PRELID2: variants seen among roughly 807,000 people sequenced by gnomAD.
The protein encoded by PRELID2 is PRELI domain-containing protein 2.
PRELID2 carries 25 observed loss-of-function variants against 28.4 expected under a neutral mutation model. The ratio of observed to expected loss-of-function variants is 0.88; its 90% CI spans 0.64 to 1.23. PRELID2 has a LOEUF of 1.23. Among genes scored for constraint, PRELID2 ranks in the 50% most tolerant of loss-of-function variants. The pLI is 0.00. For synonymous variants in PRELID2, 76 were observed against 71.6 expected (o/e 1.06, Z -0.31); for missense variants, 201 against 214.4 (o/e 0.94, Z 0.39).
At chr5:145,292,565 G>A in the PRELID2 span, among the ~76,000 whole-genome samples, 1 of 152,106 alleles carries the variant, frequency 6.6e-6, no homozygotes, top group Non-Finnish European at 1.5e-5. Flanking sequence ...AAAGATGATG[G>A]CAAAAGCTTG....
At chr5:145,700,675 G>C (rs1387147619) in intron 1 of PRELID2, among the ~76,000 whole-genome samples, 1 of 152,126 alleles carries the variant, frequency 6.6e-6, no homozygotes, top group Non-Finnish European at 1.5e-5. Context: ...GGGTCCCCAA[G>C]GACCAGCCAC....
intron 1 of PRELID2, among the ~76,000 whole-genome samples, chr5:145,681,345 C>T (rs1010329764): frequency 6.6e-6 from 1 of 152,136 alleles, no homozygotes; most frequent in Admixed American, 6.6e-5. Flanking sequence ...ATCTTGGCTA[C>T]ATGATATGGT....
At chr5:145,622,981 A>C (rs978322831) in intron 1 of PRELID2, among the ~76,000 whole-genome samples, 8 of 152,014 alleles carry the variant, frequency 5.3e-5, no homozygotes, top group African/African-American at 1.9e-4. Flanking sequence ...TTTTTTAAAA[A>C]ATTATATATT....
At chr5:145,620,211 C>T (rs1283979940) in intron 1 of PRELID2, among the ~76,000 whole-genome samples, 1 of 152,154 alleles carries the variant, frequency 6.6e-6, no homozygotes, top group Admixed American at 6.6e-5. Context: ...TGCTGAACAA[C>T]ATAAATTAAA....
chr5:145,377,564 T>C, the PRELID2 span, among the ~76,000 whole-genome samples: 2 of 152,226 alleles, frequency 1.3e-5, no homozygotes, highest in Non-Finnish European at 2.9e-5. Flanking sequence ...TGGTTGCATA[T>C]ATATTTAAGA....
rs143680237 is a variant in PRELID2, at chr5:145,672,170, A to G, written n.70+92761T>C. On this transcript the variant is annotated intron_variant and non_coding_transcript_variant, in intron 1 of 2. Coordinates refer to the PRELID2 transcript ENST00000510259. ...CCCTCTTGCCCTTGTTCTGCTCCCA[A>G]CTTTCTCTAAATTTGTATCACTGAA... Among the ~76,000 whole-genome samples the G allele has an allele frequency of 8.2e-3, 1,247 of 152,160 alleles. 22 individuals carry two copies. Among genetic ancestry groups the G allele is most frequent in the African/African-American group, 0.029 (1,189 of 41,496 alleles).
chr5:145,639,747 A>G (rs549782327), intron 1 of PRELID2, among the ~76,000 whole-genome samples: 23 of 152,354 alleles, frequency 1.5e-4, no homozygotes, highest in Admixed American at 2.6e-4. Flanking sequence ...TAAAGAATTG[A>G]AATAAGATTT....
chr5:145,286,711 TGTTTG>T, the PRELID2 span, among the ~76,000 whole-genome samples: 4,933 of 127,528 alleles, frequency 0.039, 293 homozygotes, highest in African/African-American at 0.15. Context: ...TGTTTTTTTT[TGTTTG>T]TTTGTTTGTT....
chr5:145,714,159 T>C (rs1464762123), intron 1 of PRELID2, among the ~76,000 whole-genome samples: 1 of 151,972 alleles, frequency 6.6e-6, no homozygotes, highest in Non-Finnish European at 1.5e-5. Context: ...GAAGAGAGCA[T>C]GAATATAGTA....
At chr5:145,522,982 A>G (rs1752576895) in intron 1 of PRELID2, among the ~76,000 whole-genome samples, 1 of 152,188 alleles carries the variant, frequency 6.6e-6, no homozygotes, top group Admixed American at 6.5e-5. Flanking sequence ...TTTAAAGATC[A>G]CCTTAAAACA....
chr5:145,549,298 G>T (rs913936656), intron 1 of PRELID2, among the ~76,000 whole-genome samples: 6 of 152,160 alleles, frequency 3.9e-5, no homozygotes, highest in African/African-American at 1.2e-4. Flanking sequence ...CTGGGACAAA[G>T]AGGGTATTTA....
chr5:145,441,704 T>A, the PRELID2 span, among the ~76,000 whole-genome samples: 1 of 152,106 alleles, frequency 6.6e-6, no homozygotes, highest in Non-Finnish European at 1.5e-5. Flanking sequence ...AATCCCTTCT[T>A]TTCAGGGATG....
chr5:145,229,102 G>A, the PRELID2 span: 3 of 1,467,582 alleles, frequency 2.0e-6, no homozygotes, highest in Non-Finnish European at 1.9e-6. Flanking sequence ...ACCAGGCCCT[G>A]CATCGCCCAC....
intron 3 of PRELID2, among the ~76,000 whole-genome samples, chr5:145,818,585 T>C (rs1481098220): frequency 6.6e-6 from 1 of 152,106 alleles, no homozygotes; most frequent in African/African-American, 2.4e-5. Context: ...CCTTTTTAAA[T>C]AATAGATTCA....
the PRELID2 span, among the ~76,000 whole-genome samples, chr5:145,276,573 A>G: frequency 6.6e-6 from 1 of 152,168 alleles, no homozygotes; most frequent in Admixed American, 6.6e-5. Context: ...CTCTGCCAGA[A>G]GACAAGTTAT....
At chr5:145,787,890 T>C (rs1180657819) in intron 5 of PRELID2, among the ~76,000 whole-genome samples, 1 of 152,100 alleles carries the variant, frequency 6.6e-6, no homozygotes, top group Non-Finnish European at 1.5e-5. Context: ...TATGAACAAA[T>C]AATCAGTCTA....
the PRELID2 span, among the ~76,000 whole-genome samples, chr5:145,238,334 C>T: frequency 1.3e-5 from 2 of 152,134 alleles, no homozygotes; most frequent in African/African-American, 4.8e-5. Context: ...AGATTCAAAA[C>T]CAGGACTTGC....
chr5:145,404,192 T>C, the PRELID2 span, among the ~76,000 whole-genome samples: 47 of 152,330 alleles, frequency 3.1e-4, no homozygotes, highest in African/African-American at 5.8e-4. Context: ...CTCTGAGTAA[T>C]AGAGCAAACA....
At chr5:145,528,128 C>T (rs1183433578) in intron 1 of PRELID2, among the ~76,000 whole-genome samples, 2 of 152,140 alleles carry the variant, frequency 1.3e-5, no homozygotes, top group Non-Finnish European at 2.9e-5. Context: ...ACTTCTTAGA[C>T]CTCATTGTTA....
Sources: gnomAD v4.1 joint callset for allele counts (sites outside exome capture counted in the v4.1 genomes callset) on GRCh38, gnomAD v4.1.1 for gene constraint, MANE v1.5 for transcripts, NCBI Gene and HGNC (gene_info 2026-07-23, HGNC 2026-07-21) for gene names.